Variants in MTG1 observed in about 807,000 individuals in gnomAD.
MTG1 encodes mitochondrial ribosome associated GTPase 1, also known as mitochondrial ribosome-associated GTPase 1.
MTG1 carries 30 observed loss-of-function variants against 39.5 expected under a neutral mutation model. That is an observed-to-expected ratio of 0.76 (90% confidence interval 0.57 to 1.03). The LOEUF (loss-of-function observed/expected upper bound fraction) is 1.03. Ranked by LOEUF, MTG1 falls within the 50% of genes least tolerant of loss-of-function variation. The pLI, the probability that MTG1 is intolerant of heterozygous loss-of-function variation, is 0.00. For synonymous variants in MTG1, 217 were observed against 179.0 expected, an observed-to-expected ratio of 1.21 and a Z score of -1.69; for missense variants, 513 against 447.4, an observed-to-expected ratio of 1.15 and a Z score of -1.32.
In MTG1 at chr10:133,402,821, C is replaced by G; in HGVS notation, c.752+48C>G. ...AGCTGGGGCCCCTCCTCCTAGTCAC[C>G]TCATTTAAAAAAAAAAAACAAACAA... On this transcript the variant is annotated intron_variant, in intron 9 of 10. Coordinates refer to ENST00000317502, the MANE Select transcript of MTG1 (RefSeq NM_138384.4). The surrounding 1 kb of genome is among the most constrained non-coding windows in gnomAD (Gnocchi z 4.7). 1.5e-6 allele frequency: 2 copies of G among 1,339,468 alleles called. No individual in the cohort carries two copies. The highest frequency in any genetic ancestry group is 2.0e-6 in the Non-Finnish European group (2 of 980,632). The allele number at this position is 1,339,468 out of a possible 1,614,324, so 83.0% of individuals were successfully genotyped here.
rs1440187875 is a variant in MTG1 at position 133,402,218 on chromosome 10, G to C, written c.643G>C (p.Glu215Gln). 1 of 1,613,774 alleles carries C rather than the reference G, an allele frequency of 6.2e-7. No individual in the cohort carries two copies. Among genetic ancestry groups the C allele is most frequent in the African/African-American group, 1.3e-5 (1 of 74,948 alleles). ...GCTGGCTCCTCGGATTGAAAGTGTG[G>C]AGACAGGCCTGAAGCTGGCCCTGTG... The part of the protein sequence containing the change: ...GVLAPRIESV[E>Q]TGLKLALCGT... The change falls in exon 8 of 11, where the codon GAG (glutamate) becomes CAG (glutamine). Residue 215 changes from glutamate to glutamine, a missense_variant. Transcript: ENST00000317502. The surrounding 1 kb of genome is among the most constrained non-coding windows in gnomAD (Gnocchi z 4.7).
rs566589437 is a variant in MTG1 at position 133,413,604 on chromosome 10, T to C, written c.753-5876T>C. On this transcript the variant is annotated intron_variant, in intron 9 of 10. Coordinates refer to ENST00000317502, the MANE Select transcript of MTG1 (RefSeq NM_138384.4). Reference sequence around the variant, plus strand: ...TCTCTCTTGCCTCTTTAGGATTGAATATTTTTAAACGATTCTACTGTATCT... The same window carrying C: ...TCTCTCTTGCCTCTTTAGGATTGAACATTTTTAAACGATTCTACTGTATCT... Among the ~76,000 whole-genome samples the C allele has an allele frequency of 5.9e-5, 9 of 152,320 alleles. No homozygotes were observed. In the East Asian group the frequency reaches 1.7e-3, roughly 29 times the overall value.
At position 133,394,612 on chromosome 10, in the gene MTG1, C is replaced by T. The variant is rs1849753479; in HGVS notation, c.112+280C>T. ...ACCTCCTACCTCTGGCCCGCCGCCCCTGTCCTCTGTTCCCAGCAAGTTCCT... is the reference window on the plus strand; with the variant it reads ...ACCTCCTACCTCTGGCCCGCCGCCCTTGTCCTCTGTTCCCAGCAAGTTCCT... On this transcript the variant is annotated intron_variant, in intron 1 of 10. Coordinates refer to ENST00000317502, the MANE Select transcript of MTG1 (RefSeq NM_138384.4). 2.3e-6 allele frequency: 3 copies of T among 1,292,496 alleles called. No homozygotes were observed. The South Asian group carries it at 6.2e-5, about 27-fold the overall frequency. The allele number at this position is 1,292,496 out of a possible 1,614,324, so 80.1% of individuals were successfully genotyped here.
intron 9 of MTG1, among the ~76,000 whole-genome samples, chr10:133,416,938 C>G (rs1200596919): frequency 2.0e-5 from 3 of 151,940 alleles, no homozygotes; most frequent in Non-Finnish European, 4.4e-5. Context: ...ATAGCTGGGT[C>G]AAATGGTATT....
At chr10:133,397,483 C>CT (rs755741791) in intron 3 of MTG1, among the ~76,000 whole-genome samples, 4,020 of 142,334 alleles carry the variant, frequency 0.028, 196 homozygotes, top group African/African-American at 0.096. Flanking sequence ...GTCTTATTTT[C>CT]TTTTTTTTTT....
At chr10:133,395,675 T>C in intron 1 of MTG1, 38 bp from the exon 2 acceptor site, 1 of 1,608,318 alleles carries the variant, frequency 6.2e-7, no homozygotes, top group Non-Finnish European at 8.5e-7. Flanking sequence ...CTAGAAAGGT[T>C]GTGAGCCCCT....
At position 133,395,773 on chromosome 10, in the gene MTG1, C is replaced by T. The variant is rs1253195913; in HGVS notation, c.173C>T (p.Ala58Val). The change falls in exon 2 of 11, where the codon GCC becomes GTC. Residue 58 changes from alanine to valine, a missense_variant. Ala to Val is a moderately conservative substitution (Grantham distance 64). Transcript: ENST00000317502. ...GACTGTATCATCGAGGTCCACGATGCCCGGATATCCTTTCACAGAGCAGGG... is the reference window on the plus strand; with the variant it reads ...GACTGTATCATCGAGGTCCACGATGTCCGGATATCCTTTCACAGAGCAGGG... ...LVDCIIEVHD[A>V]RIPLSGRNPL... The T allele has an allele frequency of 6.2e-7, 1 of 1,613,918 alleles. No individual in the cohort carries two copies. The highest frequency in any genetic ancestry group is 8.5e-7 in the Non-Finnish European group (1 of 1,179,888).
chr10:133,401,458 C>G, intron 6 of MTG1, 71 bp from the exon 7 acceptor site: 2 of 1,338,784 alleles, frequency 1.5e-6, no homozygotes, highest in Non-Finnish European at 2.1e-6. Flanking sequence ...TTGTTACATA[C>G]GTCTCCCTAC....
At chr10:133,396,314 C>T (rs766603137) in intron 3 of MTG1, 47 bp downstream of exon 3, 1 of 1,510,096 alleles carries the variant, frequency 6.6e-7, no homozygotes, top group Admixed American at 1.7e-5. Flanking sequence ...GCTGTGTTTT[C>T]CCGAGGTCGC....
chr10:133,394,622 T>G, intron 1 of MTG1: 1 of 1,259,032 alleles, frequency 7.9e-7, no homozygotes, highest in Non-Finnish European at 1.0e-6. Flanking sequence ...CTGTCCTCTG[T>G]TCCCAGCAAG....
At position 133,402,574 on chromosome 10, in the gene MTG1, C is replaced by G. The variant is rs41283343; in HGVS notation, c.671-118C>G. On this transcript the variant is annotated intron_variant, in intron 8 of 10. Coordinates refer to ENST00000317502, the MANE Select transcript of MTG1 (RefSeq NM_138384.4). The surrounding 1 kb of genome is among the most constrained non-coding windows in gnomAD (Gnocchi z 4.7). ...TCTTGGTTAGTGTCTTTGTCAGTGG[C>G]TGGCCTCTTCCTCACGGCACGGTGT... 74,577 of 931,868 alleles carry G rather than the reference C, an allele frequency of 0.08. 3,376 individuals are homozygous for G. Among genetic ancestry groups the G allele is most frequent in the Middle Eastern group, 0.13 (390 of 2,964 alleles). The allele number at this position is 931,868 out of a possible 1,614,324, so 57.7% of individuals were successfully genotyped here.
At chr10:133,403,457 G>A (rs917890154) in intron 9 of MTG1, among the ~76,000 whole-genome samples, 2 of 152,208 alleles carry the variant, frequency 1.3e-5, no homozygotes, top group African/African-American at 4.8e-5. Flanking sequence ...GCCCCTCCCT[G>A]AGCCCAGGCA....
Position 133,421,005 on chromosome 10 carries a change from G to A in MTG1, c.*840G>A, listed in dbSNP as rs141847037. On this transcript the variant is annotated 3_prime_UTR_variant, in exon 11 of 11. Coordinates refer to ENST00000317502, the MANE Select transcript of MTG1 (RefSeq NM_138384.4). ...CCTAGAAGAGGGAAGAGGAAGGAAG[G>A]TGGGTGGGGCTGGTAGTATGGACTA... The A allele has an allele frequency of 3.3e-5, 5 of 152,610 alleles. No homozygotes were observed. Among genetic ancestry groups the A allele is most frequent in the African/African-American group, 9.6e-5 (4 of 41,484 alleles). 9.5% of individuals were successfully genotyped at this position (152,610 alleles called of 1,614,324 possible).
At chr10:133,399,022 A>C in intron 4 of MTG1, 148 bp from the exon 5 acceptor site, 1 of 846,456 alleles carries the variant, frequency 1.2e-6, no homozygotes, top group South Asian at 1.5e-5. Context: ...GTTGGGTAGA[A>C]TTCCAGATAG....
rs540987783 is a variant in MTG1 at position 133,402,607 on chromosome 10, C to G, written c.671-85C>G. 2.3e-4 allele frequency: 282 copies of G among 1,244,946 alleles called. No homozygotes were observed. Among genetic ancestry groups the G allele is most frequent in the Non-Finnish European group, 3.0e-4 (262 of 879,536 alleles). 77.1% of individuals were successfully genotyped at this position (1,244,946 alleles called of 1,614,324 possible). ...TTCCTCACGGCACGGTGTCTTTGGG[C>G]TAGGACTGGAAGGGATGTGTTTGAA... is the stretch of plus-strand genomic sequence containing the variant. On this transcript the variant is annotated intron_variant, in intron 8 of 10. Transcript: ENST00000317502. The surrounding 1 kb of genome is among the most constrained non-coding windows in gnomAD (Gnocchi z 4.7).
At chr10:133,415,903 C>T (rs141328918) in intron 9 of MTG1, among the ~76,000 whole-genome samples, 65 of 126,040 alleles carry the variant, frequency 5.2e-4, no homozygotes, top group Non-Finnish European at 8.3e-4. Flanking sequence ...GTATCAGGCA[C>T]GTGGGCCTCA....
intron 9 of MTG1, among the ~76,000 whole-genome samples, chr10:133,415,118 A>G (rs1169955421): frequency 6.6e-6 from 1 of 152,110 alleles, no homozygotes; most frequent in East Asian, 1.9e-4. Flanking sequence ...TGGCGGCAGT[A>G]CAGTCCAGCT....
At chr10:133,403,839 TA>T (rs961401894) in intron 9 of MTG1, among the ~76,000 whole-genome samples, 11 of 152,180 alleles carry the variant, frequency 7.2e-5, no homozygotes, top group Admixed American at 2.6e-4. Context: ...TTTGAGTTTT[TA>T]AGAAACCGCC....
In MTG1 at chr10:133,402,284, G is replaced by T; in HGVS notation, c.670+39G>T. On this transcript the variant is annotated intron_variant, in intron 8 of 10. Coordinates refer to ENST00000317502, the MANE Select transcript of MTG1 (RefSeq NM_138384.4). This position sits in a 1 kb window ranked among gnomAD's most constrained non-coding sequence, Gnocchi z 4.7. ...GGGGCTGGGGCTGGGGCTGGGACCG[G>T]GGCCCCTGCCACCCCACCTTTAGGG... The T allele has an allele frequency of 6.2e-7, 1 of 1,610,302 alleles. No homozygotes were observed.
Sources: allele counts gnomAD v4.1 joint callset (sites outside exome capture counted in the v4.1 genomes callset), GRCh38; gene constraint gnomAD v4.1.1; non-coding constraint Gnocchi (gnomAD v3.1); transcripts MANE v1.5; gene names NCBI Gene and HGNC (gene_info 2026-07-23, HGNC 2026-07-21).